LSAMP: variants seen among roughly 807,000 people sequenced by gnomAD.
The protein encoded by LSAMP is limbic system-associated membrane protein.
Under a neutral mutation model 38.6 loss-of-function variants are expected in LSAMP, and 7 were observed. The observed-to-expected ratio is 0.18, with a 90% CI of 0.10 to 0.34. LSAMP has a LOEUF of 0.34. LSAMP is among the 10% of genes least tolerant of loss of function. The probability of loss-of-function intolerance (pLI) is 1.00; values close to 1 mark genes in which losing one functional copy is unlikely to be tolerated. For missense variants in LSAMP, 313 were observed against 420.0 expected, an observed-to-expected ratio of 0.75 and a Z score of 2.23; for synonymous variants, 154 against 166.8, an observed-to-expected ratio of 0.92 and a Z score of 0.59.
chr3:116,056,281 G>T (rs1471975790), intron 2 of LSAMP, among the ~76,000 whole-genome samples: 2 of 152,044 alleles, frequency 1.3e-5, no homozygotes, highest in Non-Finnish European at 2.9e-5. Flanking sequence ...CTGAACTATT[G>T]TCACTAGGCC....
chr3:116,292,206 C>T (rs2047275831), intron 1 of LSAMP, among the ~76,000 whole-genome samples: 1 of 152,160 alleles, frequency 6.6e-6, no homozygotes, highest in South Asian at 2.1e-4. Flanking sequence ...TAATATCACA[C>T]TGACAAGGCT....
intron 1 of LSAMP, among the ~76,000 whole-genome samples, chr3:116,206,673 T>C (rs1208977322): frequency 7.2e-5 from 11 of 152,032 alleles, no homozygotes; most frequent in African/African-American, 2.7e-4. Flanking sequence ...CCAGTAGTCA[T>C]TCAGGAGCAG....
chr3:116,424,453 T>C (rs1369128493), intron 1 of LSAMP, among the ~76,000 whole-genome samples: 2 of 152,148 alleles, frequency 1.3e-5, no homozygotes, highest in African/African-American at 2.4e-5. Flanking sequence ...GGGGCAATTA[T>C]TGATGGAAAA....
At chr3:116,397,305 G>A (rs993714645) in intron 1 of LSAMP, among the ~76,000 whole-genome samples, 2 of 151,910 alleles carry the variant, frequency 1.3e-5, no homozygotes, top group African/African-American at 4.8e-5. Context: ...CTCTAGGTAA[G>A]TTCCTGCCTC....
At chr3:116,207,901 G>A (rs1232665867) in intron 1 of LSAMP, among the ~76,000 whole-genome samples, 1 of 150,758 alleles carries the variant, frequency 6.6e-6, no homozygotes, top group Non-Finnish European at 1.5e-5. Flanking sequence ...TTCTCGAGGA[G>A]TATCTTTGTG....
intron 2 of LSAMP, among the ~76,000 whole-genome samples, chr3:116,082,872 A>G (rs972894524): frequency 6.6e-6 from 1 of 152,098 alleles, no homozygotes; most frequent in Non-Finnish European, 1.5e-5. Flanking sequence ...AACAACAGAC[A>G]CTGGGGTTTA....
chr3:116,255,034 C>T (rs1365995275), intron 1 of LSAMP, among the ~76,000 whole-genome samples: 1 of 152,122 alleles, frequency 6.6e-6, no homozygotes, highest in African/African-American at 2.4e-5. Context: ...TATCTTTATA[C>T]AGTATTTCTG....
At chr3:115,975,073 T>G (rs927772998) in intron 3 of LSAMP, among the ~76,000 whole-genome samples, 16 of 152,202 alleles carry the variant, frequency 1.1e-4, no homozygotes, top group African/African-American at 3.6e-4. Context: ...AATAATGAGA[T>G]TGTCCTGGAA....
At chr3:116,246,838 T>G (rs1356272814) in intron 1 of LSAMP, among the ~76,000 whole-genome samples, 1 of 152,150 alleles carries the variant, frequency 6.6e-6, no homozygotes, top group Non-Finnish European at 1.5e-5. Context: ...CTGAGAGACT[T>G]TCTCATACTT....
intron 1 of LSAMP, among the ~76,000 whole-genome samples, chr3:116,343,385 G>T (rs2048022633): frequency 1.3e-5 from 2 of 152,104 alleles, no homozygotes; most frequent in African/African-American, 4.8e-5. Flanking sequence ...GGCCTGAAGG[G>T]ATTGGTGGGG....
intron 6 of LSAMP, chr3:115,834,617 AATC>A (rs1934726040): frequency 8.3e-7 from 1 of 1,211,568 alleles, no homozygotes; most frequent in Non-Finnish European, 1.1e-6. Flanking sequence ...AAAAAATAGT[AATC>A]ATCATGGAGA....
intron 2 of LSAMP, among the ~76,000 whole-genome samples, chr3:116,036,237 T>A (rs1405776049): frequency 1.3e-5 from 2 of 151,914 alleles, no homozygotes; most frequent in Non-Finnish European, 2.9e-5. Flanking sequence ...CCTCTCAGAG[T>A]CCCTCATGTT....
chr3:116,231,250 C>G (rs1181150980), intron 1 of LSAMP, among the ~76,000 whole-genome samples: 1 of 152,166 alleles, frequency 6.6e-6, no homozygotes, highest in African/African-American at 2.4e-5. Context: ...GGTTCTGGTT[C>G]TTTACATAGG....
chr3:116,139,159 A>T (rs749603186), intron 1 of LSAMP, among the ~76,000 whole-genome samples: 4 of 151,976 alleles, frequency 2.6e-5, no homozygotes, highest in African/African-American at 9.7e-5. Flanking sequence ...CAGTACTTTT[A>T]AATTTTTAGG....
At chr3:116,400,588 C>T (rs1446255576) in intron 1 of LSAMP, among the ~76,000 whole-genome samples, 1 of 152,104 alleles carries the variant, frequency 6.6e-6, no homozygotes, top group Non-Finnish European at 1.5e-5. Context: ...AAGTGATTCT[C>T]TTGTCTCAGC....
At chr3:116,108,061 A>G (rs1309114908) in intron 1 of LSAMP, among the ~76,000 whole-genome samples, 1 of 152,090 alleles carries the variant, frequency 6.6e-6, no homozygotes, top group Non-Finnish European at 1.5e-5. Context: ...GGGATGGGAT[A>G]TTGGCATTGA....
intron 2 of LSAMP, among the ~76,000 whole-genome samples, chr3:116,053,839 T>A (rs1941440786): frequency 6.6e-6 from 1 of 152,152 alleles, no homozygotes; most frequent in Non-Finnish European, 1.5e-5. Context: ...AATAATGAGG[T>A]GATAGGTGGA....
intron 3 of LSAMP, among the ~76,000 whole-genome samples, chr3:115,948,696 C>T (rs1337000052): frequency 6.6e-6 from 1 of 152,136 alleles, no homozygotes; most frequent in Non-Finnish European, 1.5e-5. Flanking sequence ...CACAAACAGA[C>T]AATGTAACAT....
chr3:116,277,561 C>T lies in LSAMP; in HGVS notation c.155+167316G>A, dbSNP rs146674299. Among the ~76,000 whole-genome samples the T allele has an allele frequency of 2.6e-4, 40 of 151,976 alleles. 1 individual carries two copies. In the East Asian group the frequency reaches 7.2e-3, roughly 27 times the overall value. On this transcript the variant is annotated intron_variant, in intron 1 of 6. Coordinates refer to ENST00000490035, the MANE Select transcript of LSAMP (RefSeq NM_002338.5). Reference sequence around the variant, plus strand: ...ATTTTTTTGTATTTTTTAGTAGAGACGGGGTTTCACCATGTTAGCCAGAAT... The same window carrying T: ...ATTTTTTTGTATTTTTTAGTAGAGATGGGGTTTCACCATGTTAGCCAGAAT...
Sources: gnomAD v4.1 joint callset for allele counts (sites outside exome capture counted in the v4.1 genomes callset) on GRCh38, gnomAD v4.1.1 for gene constraint, MANE v1.5 for transcripts, NCBI Gene and HGNC (gene_info 2026-07-23, HGNC 2026-07-21) for gene names.